Variants in OR2V2 observed in about 807,000 individuals in gnomAD.
OR2V2 encodes the protein olfactory receptor 2V2.
For missense variants in OR2V2, 392 were observed against 392.2 expected (o/e 1.00, Z 0.00); for synonymous variants, 161 against 151.3 (o/e 1.06, Z -0.47).
At position 181,156,040 on chromosome 5, in the gene OR2V2, TTC is replaced by T. The variant is rs377685197; in HGVS notation, c.*152_*153del. The T allele has an allele frequency of 5.2e-6, 2 of 386,048 alleles. No homozygotes were observed. Among genetic ancestry groups the T allele is most frequent in the East Asian group, 3.6e-5 (1 of 27,488 alleles). 23.9% of individuals were successfully genotyped at this position (386,048 alleles called of 1,614,324 possible). ...AAGGTCTTTTTAAACACTACATCAG[TTC>T]TTTCTTTCTTTCTTTCTTTCTTTCT... On this transcript the variant is annotated 3_prime_UTR_variant, in exon 2 of 2. Coordinates refer to ENST00000641492, the MANE Select transcript of OR2V2 (RefSeq NM_206880.2).
chr5:181,151,806 C>T (rs183905927), intron 1 of OR2V2, among the ~76,000 whole-genome samples: 1 of 151,816 alleles, frequency 6.6e-6, no homozygotes, highest in Non-Finnish European at 1.5e-5. Flanking sequence ...GCAAGGCGTT[C>T]AAAACCCTGT....
At chr5:181,148,636 C>T (rs1433489040) in intron 1 of OR2V2, among the ~76,000 whole-genome samples, 1 of 152,240 alleles carries the variant, frequency 6.6e-6, no homozygotes, top group Non-Finnish European at 1.5e-5. Context: ...GCCAGGGATC[C>T]CCCCACGAGC....
At chr5:181,152,819 A>G (rs1011289067) in intron 1 of OR2V2, among the ~76,000 whole-genome samples, 7 of 152,242 alleles carry the variant, frequency 4.6e-5, no homozygotes, top group African/African-American at 1.7e-4. Flanking sequence ...CAAGGTGCCA[A>G]CAGCTGAACC....
At position 181,158,111 on chromosome 5, in the gene OR2V2, A is replaced by G. The variant is rs1343629435; in HGVS notation, c.*2221A>G. The G allele has an allele frequency of 6.6e-6, 1 of 152,196 alleles. No individual in the cohort carries two copies. The highest frequency in any genetic ancestry group is 1.5e-5 in the Non-Finnish European group (1 of 68,036). The allele number at this position is 152,196 out of a possible 1,614,324, so 9.4% of individuals were successfully genotyped here. On this transcript the variant is annotated 3_prime_UTR_variant, in exon 2 of 2. Coordinates refer to ENST00000641492, the MANE Select transcript of OR2V2 (RefSeq NM_206880.2). ...GCACAAGGACCAGGGAATTCCATTGAAAATTATCTACTGAACGCCACTAGC... is the reference window on the plus strand; with the variant it reads ...GCACAAGGACCAGGGAATTCCATTGGAAATTATCTACTGAACGCCACTAGC...
chr5:181,155,083 C>T lies in OR2V2; in HGVS notation c.141C>T (p.Ile47=), dbSNP rs139658198. ...TVALCGNVLL[I]FLIYMDPHLH... ...CCCTCTGTGGGAATGTCCTCCTCAT[C>T]TTCCTCATCTACATGGACCCTCACC... Residue 47 remains isoleucine (I), a synonymous_variant, in exon 2 of 2, where the codon ATC becomes ATT. Transcript: ENST00000641492. The T allele has an allele frequency of 4.7e-5, 76 of 1,614,206 alleles. No individual in the cohort carries two copies. The African/African-American group carries it at 9.7e-4, about 21-fold the overall frequency.
chr5:181,153,043 C>T (rs1763211923), intron 1 of OR2V2, among the ~76,000 whole-genome samples: 1 of 152,224 alleles, frequency 6.6e-6, no homozygotes, highest in Admixed American at 6.5e-5. Context: ...AGTGATGGTG[C>T]CTGACGGTGC....
chr5:181,153,001 G>T (rs61306741), intron 1 of OR2V2, among the ~76,000 whole-genome samples: 27,731 of 152,202 alleles, frequency 0.18, 3,558 homozygotes, highest in African/African-American at 0.37. Context: ...GGGAGGAAAA[G>T]CGGGGAAGCA....
chr5:181,150,874 A>G (rs2546435), intron 1 of OR2V2, among the ~76,000 whole-genome samples: 57,541 of 152,000 alleles, frequency 0.38, 13,998 homozygotes, highest in African/African-American at 0.7. Flanking sequence ...CTACTCGGGC[A>G]GCTGAGGTGG....
At chr5:181,148,807 G>GGCCTT (rs1763158218) in intron 1 of OR2V2, among the ~76,000 whole-genome samples, 2 of 152,222 alleles carry the variant, frequency 1.3e-5, no homozygotes, top group African/African-American at 4.8e-5. Context: ...GCTGAAGGGA[G>GGCCTT]GCCTTGCCAA....
intron 1 of OR2V2, among the ~76,000 whole-genome samples, chr5:181,153,486 A>C (rs1318026803): frequency 1.3e-5 from 2 of 152,130 alleles, no homozygotes; most frequent in African/African-American, 2.4e-5. Flanking sequence ...CAGGAGCTCG[A>C]GACCAGCTCG....
chr5:181,154,963 G>A lies in OR2V2; in HGVS notation c.21G>A (p.Gln7=), dbSNP rs773731345. The part of the protein sequence containing the change: METWVN[Q]SYTDGFFLLG... Reference sequence around the variant, plus strand: ...GAGCCATGGAGACGTGGGTGAACCAGTCCTACACAGATGGCTTCTTCCTCT... The same window carrying A: ...GAGCCATGGAGACGTGGGTGAACCAATCCTACACAGATGGCTTCTTCCTCT... The change falls in exon 2 of 2, where the codon CAG becomes CAA. Residue 7 remains glutamine, a synonymous_variant. Coordinates refer to ENST00000641492, the MANE Select transcript of OR2V2 (RefSeq NM_206880.2). The A allele has an allele frequency of 4.3e-6, 7 of 1,613,962 alleles. No individual in the cohort carries two copies. The highest frequency in any genetic ancestry group is 5.9e-6 in the Non-Finnish European group (7 of 1,179,936).
chr5:181,155,674 C>T lies in OR2V2; in HGVS notation c.732C>T (p.Ser244=), dbSNP rs868856438. The change falls in exon 2 of 2, where the codon TCC becomes TCT. Residue 244 remains serine, a synonymous_variant. Transcript: ENST00000641492. ...AAAAGGCCCTGGCCACCTGCTCCTC[C>T]CACCTGACAGCTGTCACCCTCTTCT... ...AWKKALATCS[S]HLTAVTLFYG... is the part of the protein sequence containing the mutation. The T allele has an allele frequency of 6.2e-7, 1 of 1,614,224 alleles. No homozygotes were observed. The highest frequency in any genetic ancestry group is 8.5e-7 in the Non-Finnish European group (1 of 1,180,040).
rs1763265496 is a variant in OR2V2 at position 181,156,193 on chromosome 5, A to T, written c.*303A>T. ...ACAATCTCGGCTTATAGCAGCCTTG[A>T]TCTCCTGGGCTCAGGTGAGTCTCCA... On this transcript the variant is annotated 3_prime_UTR_variant, in exon 2 of 2. Transcript: ENST00000641492. 1 of 300,762 alleles carries T rather than the reference A, an allele frequency of 3.3e-6. No individual in the cohort carries two copies. The highest frequency in any genetic ancestry group is 6.1e-6 in the Non-Finnish European group (1 of 164,490). The allele number at this position is 300,762 out of a possible 1,614,324, so 18.6% of individuals were successfully genotyped here.
intron 1 of OR2V2, 71 bp downstream of exon 1, chr5:181,148,066 T>A: frequency 2.5e-6 from 1 of 398,858 alleles, no homozygotes; most frequent in Non-Finnish European, 4.4e-6. Context: ...CTGGTTCACG[T>A]CCCCATTTGT....
intron 1 of OR2V2, among the ~76,000 whole-genome samples, chr5:181,150,961 C>A (rs997074017): frequency 3.3e-5 from 5 of 152,142 alleles, no homozygotes; most frequent in African/African-American, 1.2e-4. Flanking sequence ...CCTGGACCAC[C>A]CTGTCTCGAC....
At chr5:181,148,255 C>T (rs1325381205) in intron 1 of OR2V2, among the ~76,000 whole-genome samples, 3 of 152,158 alleles carry the variant, frequency 2.0e-5, no homozygotes, top group Non-Finnish European at 4.4e-5. Context: ...TTTCCTGTCC[C>T]CCTCCCTCTG....
chr5:181,151,647 G>A (rs1445546316), intron 1 of OR2V2, among the ~76,000 whole-genome samples: 1 of 152,138 alleles, frequency 6.6e-6, no homozygotes, highest in East Asian at 1.9e-4. Context: ...AATACTGCTT[G>A]GTTGTTTTCT....
Position 181,153,611 on chromosome 5 carries a change from G to T in OR2V2, c.-24-1308G>T, listed in dbSNP as rs550188010. On this transcript the variant is annotated intron_variant, in intron 1 of 1. Coordinates refer to ENST00000641492, the MANE Select transcript of OR2V2 (RefSeq NM_206880.2). The stretch of plus-strand genomic sequence containing the variant: ...CAGGATGGCTTGATCCCAGGAGGCG[G>T]AGGTTGCAATGAGCCGAGATCACAC... Among the ~76,000 whole-genome samples the T allele has an allele frequency of 1.7e-4, 26 of 152,072 alleles. 1 individual carries two copies. Among genetic ancestry groups the T allele is most frequent in the Non-Finnish European group, 3.4e-4 (23 of 67,958 alleles).
At position 181,155,223 on chromosome 5, in the gene OR2V2, C is replaced by T; in HGVS notation, c.281C>T (p.Ser94Phe). The change falls in exon 2 of 2, where the codon TCC becomes TTC. Residue 94 changes from serine (S) to phenylalanine (F), a missense_variant. Coordinates refer to ENST00000641492, the MANE Select transcript of OR2V2 (RefSeq NM_206880.2). ...TTCCTGTCTGGCAGGAAGTCCATCT[C>T]CTTTGTGGGCTGTGGCATACAAATT... ...ANFLSGRKSISFVGCGIQIGL... is the reference protein window; with the variant it reads ...ANFLSGRKSIFFVGCGIQIGL... The T allele has an allele frequency of 6.2e-7, 1 of 1,614,082 alleles. No individual in the cohort carries two copies. The highest frequency in any genetic ancestry group is 8.5e-7 in the Non-Finnish European group (1 of 1,180,042).
Sources: gnomAD v4.1 joint callset for allele counts (sites outside exome capture counted in the v4.1 genomes callset) on GRCh38, gnomAD v4.1.1 for gene constraint, MANE v1.5 for transcripts, NCBI Gene and HGNC (gene_info 2026-07-23, HGNC 2026-07-21) for gene names.